Variants in GSE1 observed in about 807,000 individuals in gnomAD.
GSE1 encodes genetic suppressor element 1.
GSE1 carries 32 observed loss-of-function variants against 112.6 expected under a neutral mutation model. The ratio of observed to expected loss-of-function variants is 0.28; its 90% confidence interval spans 0.21 to 0.38. The LOEUF is 0.38. Among genes scored for constraint, GSE1 ranks in the 10% least tolerant of loss-of-function variants. GSE1 has a pLI of 1.00. For missense variants in GSE1, 2,348 were observed against 1,699.2 expected, an observed-to-expected ratio of 1.38 and a Z score of -6.71; for synonymous variants, 1,115 against 735.6, an observed-to-expected ratio of 1.52 and a Z score of -8.35.
chr16:85,257,488 G>A (rs1464460671), intron 1 of GSE1, among the ~76,000 whole-genome samples: 1 of 152,182 alleles, frequency 6.6e-6, no homozygotes, highest in African/African-American at 2.4e-5. Context: ...GGAGCACATA[G>A]CGCGAGGAAG....
At chr16:85,532,417 C>T (rs538331278) in intron 2 of GSE1, among the ~76,000 whole-genome samples, 4 of 152,304 alleles carry the variant, frequency 2.6e-5, no homozygotes, top group Middle Eastern at 3.4e-3. Flanking sequence ...TACGCCACCA[C>T]GCCAGGCTAA....
intron 1 of GSE1, among the ~76,000 whole-genome samples, chr16:85,568,559 G>T (rs1356928233): frequency 6.6e-6 from 1 of 152,192 alleles, no homozygotes; most frequent in Non-Finnish European, 1.5e-5. Flanking sequence ...AACTGGATAG[G>T]CTCATGAATA....
upstream of GSE1, chr16:85,555,311 C>A (rs1014278228): frequency 7.6e-5 from 75 of 985,126 alleles, no homozygotes; most frequent in Admixed American, 3.1e-4. Flanking sequence ...GCGCCAGAGC[C>A]CCCGCGAGTT....
At chr16:85,182,107 C>T (rs1265478070) in intron 1 of GSE1, among the ~76,000 whole-genome samples, 1 of 152,196 alleles carries the variant, frequency 6.6e-6, no homozygotes, top group African/African-American at 2.4e-5. Flanking sequence ...TCACACCAAG[C>T]ATGGGGGACG....
intron 1 of GSE1, among the ~76,000 whole-genome samples, chr16:85,572,199 A>ACACACACAGCACGCACACAC (rs2046018949): frequency 6.7e-6 from 1 of 148,312 alleles, no homozygotes; most frequent in Non-Finnish European, 1.5e-5. Context: ...TACACACACA[A>ACACACACAGCACGCACACAC]CACACACAGC....
At chr16:85,386,220 A>C (rs2047685785) in intron 2 of GSE1, among the ~76,000 whole-genome samples, 1 of 152,204 alleles carries the variant, frequency 6.6e-6, no homozygotes, top group Non-Finnish European at 1.5e-5. Context: ...GCAGAGCTGA[A>C]CAAGGCCCTG....
intron 1 of GSE1, among the ~76,000 whole-genome samples, chr16:85,325,101 T>C (rs187488265): frequency 2.6e-5 from 4 of 152,292 alleles, no homozygotes; most frequent in African/African-American, 9.6e-5. Context: ...TTTGAGTAGC[T>C]GGGACTACAG....
chr16:85,486,387 C>T (rs557516461), intron 2 of GSE1, among the ~76,000 whole-genome samples: 2 of 152,254 alleles, frequency 1.3e-5, no homozygotes, highest in Non-Finnish European at 2.9e-5. Flanking sequence ...GGGACCCTCC[C>T]CTGTTCTCCC....
In GSE1 at chr16:85,378,793, G is replaced by A. The variant is rs1013109606; in HGVS notation, c.2464+21150G>A. 4.6e-5 allele frequency among the ~76,000 whole-genome samples: 7 copies of A among 152,076 alleles called. No homozygotes were observed. The East Asian group carries it at 5.8e-4, about 13-fold the overall frequency. On this transcript the variant is annotated intron_variant, in intron 2 of 2. Coordinates refer to the GSE1 transcript ENST00000637419. Reference sequence around the variant, plus strand: ...ACCTGCCAGTCCCCTCCCCACCTTCGTCCCTGTCCTTGTGGCTACCCCCGT... The same window carrying A: ...ACCTGCCAGTCCCCTCCCCACCTTCATCCCTGTCCTTGTGGCTACCCCCGT...
upstream of GSE1, chr16:85,555,047 T>C (rs571437732): frequency 2.0e-6 from 2 of 985,278 alleles, no homozygotes; most frequent in South Asian, 9.4e-5. Context: ...AGTGAAACTA[T>C]TATTATCGCC....
intron 15 of GSE1, chr16:85,671,958 G>A (rs1023267585): frequency 1.7e-5 from 3 of 171,804 alleles, no homozygotes; most frequent in African/African-American, 4.8e-5. Flanking sequence ...CGATTCTTAA[G>A]ACTCTGGAAG....
rs556638829 is a variant in GSE1 at position 85,280,701 on chromosome 16, G to T, written c.2284-76762G>T. On this transcript the variant is annotated intron_variant, in intron 1 of 2. Coordinates refer to the GSE1 transcript ENST00000637419. ...GTGAGCCACAGCACCCGGCCACATG[G>T]TCTCTTTAATTTGGGGATTGCCCCC... 6.6e-5 allele frequency among the ~76,000 whole-genome samples: 10 copies of T among 152,288 alleles called. No individual in the cohort carries two copies. The East Asian group carries it at 1.7e-3, about 26-fold the overall frequency.
At chr16:85,264,988 C>T (rs955633194) in intron 1 of GSE1, among the ~76,000 whole-genome samples, 7 of 152,198 alleles carry the variant, frequency 4.6e-5, no homozygotes, top group South Asian at 4.1e-4. Flanking sequence ...ATCACGACAG[C>T]CTGAGAGAGC....
intron 1 of GSE1, among the ~76,000 whole-genome samples, chr16:85,190,484 G>C: frequency 6.6e-6 from 1 of 152,228 alleles, no homozygotes; most frequent in East Asian, 1.9e-4. Flanking sequence ...CCATAACCTT[G>C]ATTGAAATTC....
At chr16:85,193,895 C>T (rs989183667) in intron 1 of GSE1, among the ~76,000 whole-genome samples, 3 of 152,222 alleles carry the variant, frequency 2.0e-5, no homozygotes, top group Non-Finnish European at 2.9e-5. Flanking sequence ...ATGCCACAGT[C>T]AGGGCACTGA....
At chr16:85,371,048 C>T (rs549026768) in intron 2 of GSE1, among the ~76,000 whole-genome samples, 2 of 152,308 alleles carry the variant, frequency 1.3e-5, no homozygotes, top group East Asian at 1.9e-4. Flanking sequence ...GGGGAGTTTG[C>T]GCCCCACACT....
rs190920098 is a variant in GSE1 at position 85,198,252 on chromosome 16, C to G, written c.2283+26445C>G. On this transcript the variant is annotated intron_variant, in intron 1 of 2. Coordinates refer to the GSE1 transcript ENST00000637419. ...CATGGGGACCAGGGCTCAGAAAGAC[C>G]GAAGTCATGTGTTCCTGGCTGTAAA... 3.3e-4 allele frequency among the ~76,000 whole-genome samples: 51 copies of G among 152,318 alleles called. 1 individual carries two copies. In the Middle Eastern group the frequency reaches 0.01, roughly 30 times the overall value.
chr16:85,666,212 G>C lies in GSE1; in HGVS notation c.2995G>C (p.Asp999His). 1 of 1,613,716 alleles carries C rather than the reference G, an allele frequency of 6.2e-7. No homozygotes were observed. The change falls in exon 13 of 16, where the codon GAC becomes CAC. Residue 999 changes from aspartate (D) to histidine (H), a missense_variant. Transcript: ENST00000253458. ...CTATATCCGGGGCGCTGCACCCAAG[G>C]ACATTCCTGTGCCGCTGTCCCACAG... is the stretch of plus-strand genomic sequence containing the variant. ...LHYIRGAAPK[D>H]IPVPLSHSTN... is the part of the protein sequence containing the mutation.
At chr16:85,653,894 C>T (rs1400934737) in intron 3 of GSE1, among the ~76,000 whole-genome samples, 2 of 152,176 alleles carry the variant, frequency 1.3e-5, no homozygotes, top group African/African-American at 4.8e-5. Flanking sequence ...GTGTCTGCTT[C>T]CCCGGGTGTG....
Sources: allele counts gnomAD v4.1 joint callset (sites outside exome capture counted in the v4.1 genomes callset), GRCh38; gene constraint gnomAD v4.1.1; transcripts MANE v1.5; gene names NCBI Gene and HGNC (gene_info 2026-07-23, HGNC 2026-07-21).